Variants in MIPOL1 observed in about 807,000 individuals in gnomAD.
MIPOL1 encodes the protein mirror-image polydactyly gene 1 protein.
A neutral mutation model predicts 60.9 loss-of-function variants in MIPOL1; 57 were observed. That is an observed-to-expected ratio of 0.94 (90% CI 0.76 to 1.17). The LOEUF (loss-of-function observed/expected upper bound fraction) is 1.17, where lower values mean the gene tolerates loss of function less well. Among genes scored for constraint, MIPOL1 ranks in the 50% most tolerant of loss-of-function variants. The pLI, the probability that MIPOL1 is intolerant of heterozygous loss-of-function variation, is 0.00. For missense variants in MIPOL1, 551 were observed against 511.6 expected (o/e 1.08, Z -0.74); for synonymous variants, 179 against 168.8 (o/e 1.06, Z -0.47).
At chr14:37,440,015 G>A (rs1356830185) in intron 11 of MIPOL1, among the ~76,000 whole-genome samples, 1 of 152,000 alleles carries the variant, frequency 6.6e-6, no homozygotes, top group African/African-American at 2.4e-5. Flanking sequence ...TAATTTGTTG[G>A]GGTCTTTTGT....
intron 12 of MIPOL1, among the ~76,000 whole-genome samples, chr14:37,525,443 T>C (rs2095440895): frequency 6.6e-6 from 1 of 152,202 alleles, no homozygotes; most frequent in African/African-American, 2.4e-5. Context: ...GAGTGTACCA[T>C]AGAATATAAT....
intron 9 of MIPOL1, among the ~76,000 whole-genome samples, chr14:37,338,069 CT>C (rs1226138656): frequency 2.0e-5 from 3 of 148,738 alleles, no homozygotes; most frequent in Admixed American, 2.0e-4. Context: ...CAACTTCAGT[CT>C]TTTGCATATG....
chr14:37,288,805 A>G (rs924025006), intron 7 of MIPOL1, among the ~76,000 whole-genome samples: 2 of 152,036 alleles, frequency 1.3e-5, no homozygotes, highest in African/African-American at 4.8e-5. Context: ...GTCTCAAGAA[A>G]AAAAAAAAGA....
At chr14:37,407,098 A>G (rs2093600687) in intron 10 of MIPOL1, among the ~76,000 whole-genome samples, 3 of 152,208 alleles carry the variant, frequency 2.0e-5, no homozygotes, top group South Asian at 2.1e-4. Flanking sequence ...GCTTAAGTAA[A>G]TTATATCAGA....
rs149174221 is a variant in MIPOL1, at chr14:37,272,868, T to C, written c.493+2343T>C. 8.3e-3 allele frequency among the ~76,000 whole-genome samples: 1,260 copies of C among 151,570 alleles called. 17 individuals carry two copies. Among genetic ancestry groups the C allele is most frequent in the African/African-American group, 0.027 (1,141 of 41,504 alleles). On this transcript the variant is annotated intron_variant, in intron 6 of 12. Transcript: ENST00000684589. ...CATTTCACAATAAAAGAAATACTTA[T>C]AAAAACATCTGAACTAAACATTGGA...
chr14:37,234,080 G>A (rs554400604), intron 1 of MIPOL1, among the ~76,000 whole-genome samples: 1 of 152,260 alleles, frequency 6.6e-6, no homozygotes, highest in Admixed American at 6.5e-5. Context: ...TCCATTGAAA[G>A]CTCTGCTGTT....
At chr14:37,231,645 A>G (rs1414659491) in intron 1 of MIPOL1, among the ~76,000 whole-genome samples, 1 of 152,128 alleles carries the variant, frequency 6.6e-6, no homozygotes, top group African/African-American at 2.4e-5. Context: ...ATAATTATAT[A>G]ATTATATTAA....
intron 10 of MIPOL1, among the ~76,000 whole-genome samples, chr14:37,374,860 A>G (rs939534624): frequency 6.6e-6 from 1 of 152,128 alleles, no homozygotes; most frequent in Non-Finnish European, 1.5e-5. Flanking sequence ...TGTCTTGGCT[A>G]TGTGGGCTCC....
chr14:37,382,474 C>A (rs2092950501), intron 10 of MIPOL1, among the ~76,000 whole-genome samples: 1 of 151,964 alleles, frequency 6.6e-6, no homozygotes, highest in African/African-American at 2.4e-5. Context: ...ACATAAAATT[C>A]TCAGTAAAAG....
chr14:37,365,566 T>C (rs1429052497), intron 9 of MIPOL1, among the ~76,000 whole-genome samples: 1 of 152,186 alleles, frequency 6.6e-6, no homozygotes, highest in Non-Finnish European at 1.5e-5. Context: ...TCCCACTTAG[T>C]CATGATGCAT....
intron 3 of MIPOL1, among the ~76,000 whole-genome samples, chr14:37,252,128 T>C (rs1251763366): frequency 6.6e-6 from 1 of 151,754 alleles, no homozygotes; most frequent in Non-Finnish European, 1.5e-5. Context: ...AATGAGTTTG[T>C]TCAATATTGT....
Position 37,256,887 on chromosome 14 carries a change from A to G in MIPOL1, c.19+8980A>G, listed in dbSNP as rs559908369. ...AAATGAACACATTACCAAAAAACAA[A>G]TTTACTTTTCTGAGGCTTTATTTTT... On this transcript the variant is annotated intron_variant, in intron 3 of 12. Coordinates refer to ENST00000684589, the MANE Select transcript of MIPOL1 (RefSeq NM_001388067.1). Among the ~76,000 whole-genome samples, 146 of 152,012 alleles carry G rather than the reference A, an allele frequency of 9.6e-4. 3 individuals carry two copies. Among genetic ancestry groups the G allele is most frequent in the African/African-American group, 3.5e-3 (145 of 41,514 alleles).
chr14:37,323,550 G>T (rs1183521673), intron 9 of MIPOL1, among the ~76,000 whole-genome samples: 8 of 151,854 alleles, frequency 5.3e-5, no homozygotes, highest in Non-Finnish European at 1.5e-5. Context: ...AACAATCATT[G>T]AAAATTCAGA....
chr14:37,428,539 G>A (rs2094005415), intron 11 of MIPOL1, among the ~76,000 whole-genome samples: 1 of 152,092 alleles, frequency 6.6e-6, no homozygotes. Flanking sequence ...CGTGGGTGGA[G>A]ATCACACCAG....
intron 11 of MIPOL1, among the ~76,000 whole-genome samples, chr14:37,447,794 C>T (rs2094359286): frequency 6.6e-6 from 1 of 151,990 alleles, no homozygotes; most frequent in African/African-American, 2.4e-5. Context: ...TACTTTAATT[C>T]CAGTGAGCTG....
chr14:37,211,890 G>A (rs1056122922), intron 1 of MIPOL1, among the ~76,000 whole-genome samples: 2 of 151,928 alleles, frequency 1.3e-5, no homozygotes, highest in East Asian at 3.9e-4. Context: ...AGCCACAGCA[G>A]AATAGGGCAC....
At chr14:37,442,196 GCTA>G (rs1322067220) in intron 11 of MIPOL1, among the ~76,000 whole-genome samples, 1 of 151,582 alleles carries the variant, frequency 6.6e-6, no homozygotes, top group Admixed American at 6.6e-5. Flanking sequence ...GTACAGAAAT[GCTA>G]CTGATTGTTG....
chr14:37,492,671 A>G (rs971776216), intron 11 of MIPOL1, among the ~76,000 whole-genome samples: 7 of 151,982 alleles, frequency 4.6e-5, no homozygotes, highest in African/African-American at 7.3e-5. Flanking sequence ...TTTTTTTCCA[A>G]TGTCACTCAG....
chr14:37,463,842 A>G (rs1459976260), intron 11 of MIPOL1, among the ~76,000 whole-genome samples: 1 of 152,198 alleles, frequency 6.6e-6, no homozygotes, highest in Non-Finnish European at 1.5e-5. Context: ...GAGAGGAGAT[A>G]TTTGCTGTAA....
Sources: allele counts gnomAD v4.1 joint callset (sites outside exome capture counted in the v4.1 genomes callset), GRCh38; gene constraint gnomAD v4.1.1; transcripts MANE v1.5; gene names NCBI Gene and HGNC (gene_info 2026-07-23, HGNC 2026-07-21).